The following SLC44A5 variants were observed in gnomAD, a reference collection of about 807,000 sequenced individuals.
SLC44A5 encodes the protein solute carrier family 44 member 5.
A neutral mutation model predicts 101.8 loss-of-function variants in SLC44A5; 57 were observed. That is an observed-to-expected ratio of 0.56 (90% confidence interval 0.45 to 0.70). SLC44A5 has a LOEUF of 0.70. Among genes scored for constraint, SLC44A5 ranks in the 30% least tolerant of loss-of-function variants. SLC44A5 has a pLI of 0.00. For synonymous variants in SLC44A5, 281 were observed against 290.9 expected (o/e 0.97, Z 0.35); for missense variants, 737 against 853.1 (o/e 0.86, Z 1.70).
chr1:75,367,209 G>T (rs1659918629), intron 3 of SLC44A5, among the ~76,000 whole-genome samples: 1 of 152,198 alleles, frequency 6.6e-6, no homozygotes, highest in Non-Finnish European at 1.5e-5. Context: ...TAGGTCCCCA[G>T]GATAATGGGA....
intron 6 of SLC44A5, among the ~76,000 whole-genome samples, chr1:75,271,268 T>A (rs921558413): frequency 3.3e-5 from 5 of 152,242 alleles, no homozygotes; most frequent in Admixed American, 1.3e-4. Flanking sequence ...CTGTCTTTTT[T>A]CTTTTCTTAT....
At chr1:75,479,239 C>T (rs1447596149) in intron 2 of SLC44A5, among the ~76,000 whole-genome samples, 2 of 152,188 alleles carry the variant, frequency 1.3e-5, no homozygotes, top group African/African-American at 4.8e-5. Context: ...ATGTCTGGGA[C>T]ATATTCAAAG....
At chr1:75,573,362 A>G (rs1673189394) in intron 1 of SLC44A5, among the ~76,000 whole-genome samples, 2 of 151,988 alleles carry the variant, frequency 1.3e-5, no homozygotes, top group South Asian at 4.2e-4. Context: ...AGAAAGAAGT[A>G]TAGATATAAC....
At chr1:75,227,689 T>G in intron 13 of SLC44A5, 37 bp downstream of exon 13, 1 of 1,505,158 alleles carries the variant, frequency 6.6e-7, no homozygotes, top group African/African-American at 1.4e-5. Context: ...TTTCTCATTA[T>G]TACAATTTTA....
upstream of SLC44A5, chr1:75,611,203 T>A: frequency 2.1e-6 from 1 of 482,798 alleles, no homozygotes; most frequent in Non-Finnish European, 2.7e-6. Context: ...GAGGTCCTAC[T>A]AGCCTTGCTA....
upstream of SLC44A5, among the ~76,000 whole-genome samples, chr1:75,612,126 G>T (rs377142998): frequency 3.3e-5 from 5 of 152,194 alleles, no homozygotes; most frequent in East Asian, 5.8e-4. Context: ...AGGTATTCTG[G>T]TGAATAGCAA....
chr1:75,641,043 A>G, the SLC44A5 span, among the ~76,000 whole-genome samples: 7 of 152,104 alleles, frequency 4.6e-5, no homozygotes, highest in Non-Finnish European at 8.8e-5. Context: ...TCATGTCTGA[A>G]CAAGTCTTCC....
chr1:75,576,066 C>T (rs1038584824), intron 1 of SLC44A5, among the ~76,000 whole-genome samples: 2 of 151,368 alleles, frequency 1.3e-5, no homozygotes, highest in Non-Finnish European at 2.9e-5. Flanking sequence ...AACTGCCACC[C>T]TAGCTAGACA....
At chr1:75,266,318 T>TACAC (rs61250669) in intron 6 of SLC44A5, among the ~76,000 whole-genome samples, 7,152 of 146,788 alleles carry the variant, frequency 0.049, 254 homozygotes, top group African/African-American at 0.1. Flanking sequence ...GGCATAGAAA[T>TACAC]ACACACACAC....
intron 1 of SLC44A5, among the ~76,000 whole-genome samples, chr1:75,576,321 T>C (rs1673360737): frequency 6.6e-6 from 1 of 151,856 alleles, no homozygotes; most frequent in South Asian, 2.1e-4. Context: ...TTTTTTTTTT[T>C]CTTTGCTTTT....
At chr1:75,354,928 G>T (rs1038134517) in intron 3 of SLC44A5, among the ~76,000 whole-genome samples, 3 of 151,900 alleles carry the variant, frequency 2.0e-5, no homozygotes, top group South Asian at 4.2e-4. Context: ...ATCCAAGGAG[G>T]GTCCACTACC....
intron 4 of SLC44A5, among the ~76,000 whole-genome samples, chr1:75,322,612 T>G (rs1301006954): frequency 1.3e-5 from 2 of 152,102 alleles, no homozygotes; most frequent in Non-Finnish European, 2.9e-5. Flanking sequence ...TTGAGGCAAA[T>G]CTTGGATTTA....
chr1:75,499,234 G>A (rs988072732), intron 2 of SLC44A5, among the ~76,000 whole-genome samples: 25 of 152,280 alleles, frequency 1.6e-4, no homozygotes, highest in African/African-American at 5.8e-4. Context: ...TCCATGGATG[G>A]GGGCCGGAAG....
At chr1:75,251,392 G>T (rs747434186) in intron 6 of SLC44A5, 98 bp from the exon 7 acceptor site, 13 of 949,956 alleles carry the variant, frequency 1.4e-5, no homozygotes, top group African/African-American at 1.6e-5. Flanking sequence ...TTAAAAATTG[G>T]TTTCATTATC....
At chr1:75,250,582 A>G (rs1649485412) in intron 7 of SLC44A5, among the ~76,000 whole-genome samples, 1 of 152,152 alleles carries the variant, frequency 6.6e-6, no homozygotes, top group Admixed American at 6.6e-5. Flanking sequence ...GCGACCACTT[A>G]TAACCAGTTT....
At chr1:75,721,502 G>A in the SLC44A5 span, among the ~76,000 whole-genome samples, 1 of 152,200 alleles carries the variant, frequency 6.6e-6, no homozygotes, top group African/African-American at 2.4e-5. Flanking sequence ...GTGGCCCAGG[G>A]AAGCCAAAAG....
At chr1:75,493,726 C>T in intron 2 of SLC44A5, among the ~76,000 whole-genome samples, 1 of 152,150 alleles carries the variant, frequency 6.6e-6, no homozygotes, top group East Asian at 1.9e-4. Context: ...CAAACCATCT[C>T]AGTAAGGATG....
intron 5 of SLC44A5, among the ~76,000 whole-genome samples, chr1:75,283,985 G>C (rs1652832872): frequency 6.6e-6 from 1 of 152,030 alleles, no homozygotes; most frequent in African/African-American, 2.4e-5. Flanking sequence ...TGGTTATGCA[G>C]GCTCCTTTTT....
intron 2 of SLC44A5, among the ~76,000 whole-genome samples, chr1:75,445,110 C>A (rs1354553934): frequency 2.0e-5 from 3 of 152,072 alleles, no homozygotes; most frequent in African/African-American, 7.2e-5. Flanking sequence ...GAAATGTGAT[C>A]CTCAATATTA....
Sources: allele counts gnomAD v4.1 joint callset (sites outside exome capture counted in the v4.1 genomes callset), GRCh38; gene constraint gnomAD v4.1.1; transcripts MANE v1.5; gene names NCBI Gene and HGNC (gene_info 2026-07-23, HGNC 2026-07-21).